The following FER1L6 variants were observed in gnomAD, a reference collection of about 807,000 sequenced individuals.
FER1L6 encodes the protein fer-1-like protein 6.
Under a neutral mutation model 219.2 loss-of-function variants are expected in FER1L6, and 177 were observed. The observed-to-expected ratio is 0.81, with a 90% CI of 0.71 to 0.91. The LOEUF is 0.91. Among genes scored for constraint, FER1L6 ranks in the 40% least tolerant of loss-of-function variants. The probability of loss-of-function intolerance (pLI) is 0.00; values close to 1 mark genes in which losing one functional copy is unlikely to be tolerated. For missense variants in FER1L6, 2,153 were observed against 2,259.9 expected, an observed-to-expected ratio of 0.95 and a Z score of 0.96; for synonymous variants, 768 against 824.3, an observed-to-expected ratio of 0.93 and a Z score of 1.17.
chr8:123,898,864 CACACAT>C (rs112843071), intron 1 of FER1L6, among the ~76,000 whole-genome samples: 10 of 147,856 alleles, frequency 6.8e-5, no homozygotes, highest in African/African-American at 2.5e-4. Context: ...CACACACACA[CACACAT>C]ATATATATAT....
Position 123,918,873 on chromosome 8 carries a change from TAG to T in FER1L6, c.-7-37114_-7-37113del, listed in dbSNP as rs1257175061. 7.9e-5 allele frequency among the ~76,000 whole-genome samples: 12 copies of T among 152,222 alleles called. 1 individual carries two copies. In the South Asian group the frequency reaches 1.9e-3, roughly 24 times the overall value. On this transcript the variant is annotated intron_variant, in intron 1 of 40. Coordinates refer to ENST00000522917, the MANE Select transcript of FER1L6 (RefSeq NM_001039112.2). ...GATTCCTTTCAGTTTAACAAACATT[TAG>T]AGAGTGCCCCTCAGGGTCAGGCGTG...
Position 124,015,380 on chromosome 8 carries a change from A to G in FER1L6, c.1922+1849A>G, listed in dbSNP as rs1255373265. On this transcript the variant is annotated intron_variant, in intron 15 of 40. Transcript: ENST00000522917. Reference sequence around the variant, plus strand: ...GTAGTTTAAGATTTGAGCAAATATGAGAACTTGTCATAATGGAACTAATGG... The same window carrying G: ...GTAGTTTAAGATTTGAGCAAATATGGGAACTTGTCATAATGGAACTAATGG... Among the ~76,000 whole-genome samples the G allele has an allele frequency of 2.0e-5, 3 of 151,838 alleles. No individual in the cohort carries two copies. The East Asian group carries it at 5.8e-4, about 29-fold the overall frequency.
At chr8:124,050,683 G>A (rs1204922991) in intron 22 of FER1L6, among the ~76,000 whole-genome samples, 1 of 152,064 alleles carries the variant, frequency 6.6e-6, no homozygotes, top group Non-Finnish European at 1.5e-5. Context: ...TGGAGGCTGG[G>A]AAGTCCAAGA....
At chr8:123,943,254 A>C (rs1414546580) in intron 1 of FER1L6, among the ~76,000 whole-genome samples, 1 of 152,216 alleles carries the variant, frequency 6.6e-6, no homozygotes, top group African/African-American at 2.4e-5. Flanking sequence ...TAAAAATCCA[A>C]GTATGTCTGG....
chr8:123,884,490 C>G (rs1244191280), intron 1 of FER1L6, among the ~76,000 whole-genome samples: 4 of 152,182 alleles, frequency 2.6e-5, no homozygotes, highest in South Asian at 2.1e-4. Context: ...CAGAATTGCT[C>G]TCATCCACAG....
At chr8:123,931,589 G>C (rs1186370938) in intron 1 of FER1L6, among the ~76,000 whole-genome samples, 1 of 152,232 alleles carries the variant, frequency 6.6e-6, no homozygotes, top group Non-Finnish European at 1.5e-5. Flanking sequence ...GGAAAGACCT[G>C]TTAGTAACTG....
At chr8:123,954,963 T>C (rs951015021) in intron 1 of FER1L6, among the ~76,000 whole-genome samples, 9 of 152,170 alleles carry the variant, frequency 5.9e-5, no homozygotes, top group Non-Finnish European at 1.2e-4. Context: ...AGGCCAGGAC[T>C]TTCCTCCAGC....
intron 1 of FER1L6, among the ~76,000 whole-genome samples, chr8:123,871,302 C>T (rs1030011201): frequency 6.6e-6 from 1 of 152,200 alleles, no homozygotes; most frequent in Admixed American, 6.5e-5. Context: ...GTAACAAACA[C>T]ACCTGGCACT....
chr8:123,858,888 G>T (rs2130247982), intron 1 of FER1L6, among the ~76,000 whole-genome samples: 1 of 152,322 alleles, frequency 6.6e-6, no homozygotes, highest in East Asian at 1.9e-4. Flanking sequence ...CCCCTGTAGG[G>T]ACCACTCATT....
intron 19 of FER1L6, 91 bp from the exon 20 acceptor site, chr8:124,039,791 C>T (rs532688070): frequency 1.3e-6 from 2 of 1,529,074 alleles, no homozygotes; most frequent in African/African-American, 2.7e-5. Flanking sequence ...TCTGTGGATA[C>T]ATAGATGGAC....
intron 31 of FER1L6, 122 bp downstream of exon 31, chr8:124,071,753 AT>A: frequency 8.0e-7 from 1 of 1,248,580 alleles, no homozygotes; most frequent in Non-Finnish European, 1.1e-6. Context: ...TTTGAATGCC[AT>A]AAGTCTATAA....
chr8:123,950,780 G>A (rs1814725683), intron 1 of FER1L6, among the ~76,000 whole-genome samples: 1 of 152,186 alleles, frequency 6.6e-6, no homozygotes. Flanking sequence ...AACACAGTAT[G>A]CAAGAATGAA....
rs1410764280 is a variant in FER1L6, at chr8:124,082,365, C to T, written c.4298C>T (p.Thr1433Ile). 1.9e-6 allele frequency: 3 copies of T among 1,613,980 alleles called. No homozygotes were observed. Among genetic ancestry groups the T allele is most frequent in the Middle Eastern group, 1.6e-4 (1 of 6,062 alleles). ...ILIYDHDMIG[T>I]DDLIGETKID... ...ATCTATGACCATGACATGATTGGCACAGATGACCTTATTGGTGAGACCAAG... is the reference window on the plus strand; with the variant it reads ...ATCTATGACCATGACATGATTGGCATAGATGACCTTATTGGTGAGACCAAG... The change falls in exon 33 of 41, where the codon ACA (threonine) becomes ATA (isoleucine). Residue 1433 changes from threonine to isoleucine, a missense_variant. Coordinates refer to ENST00000522917, the MANE Select transcript of FER1L6 (RefSeq NM_001039112.2).
intron 31 of FER1L6, among the ~76,000 whole-genome samples, 173 bp from the exon 32 acceptor site, chr8:124,076,025 C>T (rs578160115): frequency 6.6e-6 from 1 of 152,314 alleles, no homozygotes; most frequent in South Asian, 2.1e-4. Context: ...ACCTTGGCTG[C>T]ACACTAGAAT....
chr8:124,110,439 A>G (rs1452367948), intron 39 of FER1L6, among the ~76,000 whole-genome samples: 1 of 152,166 alleles, frequency 6.6e-6, no homozygotes, highest in African/African-American at 2.4e-5. Flanking sequence ...ATTTTCTGTC[A>G]AAGAGCCATA....
intron 12 of FER1L6, among the ~76,000 whole-genome samples, chr8:123,993,214 G>A (rs943326757): frequency 2.9e-4 from 44 of 152,000 alleles, no homozygotes; most frequent in African/African-American, 9.6e-4. Context: ...AGGCCGAGGC[G>A]GGCGGATCAC....
At chr8:124,096,785 T>G (rs1301777699) in intron 35 of FER1L6, among the ~76,000 whole-genome samples, 1 of 152,156 alleles carries the variant, frequency 6.6e-6, no homozygotes, top group Non-Finnish European at 1.5e-5. Flanking sequence ...TTGTGACAGT[T>G]GGGATTATCT....
chr8:124,088,256 A>AAAG (rs1821865152), intron 33 of FER1L6, among the ~76,000 whole-genome samples: 1 of 152,062 alleles, frequency 6.6e-6, no homozygotes, highest in Non-Finnish European at 1.5e-5. Flanking sequence ...ACCACAAGAT[A>AAAG]AAGTCCTTCC....
At chr8:124,085,239 T>C (rs900982863) in intron 33 of FER1L6, among the ~76,000 whole-genome samples, 1 of 152,084 alleles carries the variant, frequency 6.6e-6, no homozygotes, top group Non-Finnish European at 1.5e-5. Flanking sequence ...TTTCATTTTG[T>C]TAATCTTATC....
Sources: allele counts gnomAD v4.1 joint callset (sites outside exome capture counted in the v4.1 genomes callset), GRCh38; gene constraint gnomAD v4.1.1; transcripts MANE v1.5; gene names NCBI Gene and HGNC (gene_info 2026-07-23, HGNC 2026-07-21).